ANKS1B: variants seen among roughly 807,000 people sequenced by gnomAD.
ANKS1B encodes ankyrin repeat and sterile alpha motif domain-containing protein 1B.
A neutral mutation model predicts 148.3 loss-of-function variants in ANKS1B; 36 were observed. That is an observed-to-expected ratio of 0.24 (90% CI 0.19 to 0.32). The LOEUF is 0.32. Ranked by LOEUF, ANKS1B falls within the 10% of genes least tolerant of loss-of-function variation. ANKS1B has a pLI of 1.00. For synonymous variants in ANKS1B, 542 were observed against 560.8 expected (o/e 0.97, Z 0.47); for missense variants, 1,157 against 1,542.6 (o/e 0.75, Z 4.19).
chr12:99,548,296 T>C (rs2097188649), intron 9 of ANKS1B, among the ~76,000 whole-genome samples: 1 of 152,182 alleles, frequency 6.6e-6, no homozygotes, highest in African/African-American at 2.4e-5. Context: ...CAGATTCAAA[T>C]TTCTTTGCCT....
chr12:99,627,081 G>A (rs1322076925), intron 9 of ANKS1B, among the ~76,000 whole-genome samples: 1 of 152,094 alleles, frequency 6.6e-6, no homozygotes, highest in Non-Finnish European at 1.5e-5. Flanking sequence ...CAAAATTTCA[G>A]TTTGGCCACA....
At chr12:99,156,933 T>A (rs966621230) in intron 14 of ANKS1B, among the ~76,000 whole-genome samples, 4 of 152,218 alleles carry the variant, frequency 2.6e-5, no homozygotes, top group African/African-American at 9.6e-5. Flanking sequence ...TAAAAAAAGT[T>A]TTAACTCTAT....
At chr12:99,688,718 C>G (rs901822054) in intron 8 of ANKS1B, among the ~76,000 whole-genome samples, 1 of 151,930 alleles carries the variant, frequency 6.6e-6, no homozygotes, top group Non-Finnish European at 1.5e-5. Context: ...GTAGTCCAAA[C>G]TACTTAGAAC....
At chr12:98,766,980 TA>T (rs1427218452) in intron 25 of ANKS1B, among the ~76,000 whole-genome samples, 10 of 118,400 alleles carry the variant, frequency 8.4e-5, no homozygotes, top group Non-Finnish European at 1.4e-4. Context: ...TATTATTTAT[TA>T]ATTTTTTTTT....
At chr12:99,059,091 T>C (rs918482650) in intron 16 of ANKS1B, among the ~76,000 whole-genome samples, 2 of 152,216 alleles carry the variant, frequency 1.3e-5, no homozygotes, top group Admixed American at 6.5e-5. Context: ...GTGTGAATCT[T>C]TCTCTAATGT....
chr12:98,805,250 G>A (rs1224974213), intron 20 of ANKS1B, among the ~76,000 whole-genome samples: 1 of 151,378 alleles, frequency 6.6e-6, no homozygotes, highest in Non-Finnish European at 1.5e-5. Context: ...TTTTGTCATG[G>A]CTTAAAACTT....
intron 10 of ANKS1B, among the ~76,000 whole-genome samples, chr12:99,474,682 G>C (rs551273627): frequency 6.7e-4 from 102 of 151,786 alleles, no homozygotes; most frequent in African/African-American, 2.4e-3. Context: ...AGAAATAAAG[G>C]GAATACTATA....
chr12:99,318,202 C>G (rs1454271691), intron 12 of ANKS1B, among the ~76,000 whole-genome samples: 1 of 152,176 alleles, frequency 6.6e-6, no homozygotes, highest in Non-Finnish European at 1.5e-5. Flanking sequence ...GGAGGATTCC[C>G]TCTTTTTCTA....
At chr12:98,858,955 G>T (rs1285623742) in intron 17 of ANKS1B, among the ~76,000 whole-genome samples, 2 of 152,210 alleles carry the variant, frequency 1.3e-5, no homozygotes, top group African/African-American at 4.8e-5. Flanking sequence ...ACATTAAGAA[G>T]ACTTCCGGAT....
At chr12:99,452,045 G>A (rs1320192342) in intron 10 of ANKS1B, among the ~76,000 whole-genome samples, 1 of 151,990 alleles carries the variant, frequency 6.6e-6, no homozygotes, top group Non-Finnish European at 1.5e-5. Flanking sequence ...TTACGTTTTG[G>A]TATTAAGTCA....
At chr12:99,888,408 C>T (rs993113282) in intron 1 of ANKS1B, among the ~76,000 whole-genome samples, 1 of 152,102 alleles carries the variant, frequency 6.6e-6, no homozygotes, top group Non-Finnish European at 1.5e-5. Flanking sequence ...TATGTATTGC[C>T]CTAGGTAATA....
chr12:99,523,535 C>T lies in ANKS1B; in HGVS notation c.1273-18894G>A, dbSNP rs1353700430. ...CTGGAGTCTTCAAGGCTAGCCTGATCTATACAAGGCATCTTCTTTTTTTTT... is the reference window on the plus strand; with the variant it reads ...CTGGAGTCTTCAAGGCTAGCCTGATTTATACAAGGCATCTTCTTTTTTTTT... On this transcript the variant is annotated intron_variant, in intron 9 of 26. Transcript: ENST00000683438. 3.4e-5 allele frequency among the ~76,000 whole-genome samples: 5 copies of T among 149,122 alleles called. No homozygotes were observed. In the South Asian group the frequency reaches 8.5e-4, roughly 25 times the overall value.
At chr12:99,602,330 T>C (rs2097807661) in intron 9 of ANKS1B, among the ~76,000 whole-genome samples, 2 of 152,100 alleles carry the variant, frequency 1.3e-5, no homozygotes, top group African/African-American at 4.8e-5. Context: ...TGGTTGTGTC[T>C]AATTTGAGGA....
At chr12:99,069,210 C>T (rs559948248) in intron 16 of ANKS1B, among the ~76,000 whole-genome samples, 2 of 152,256 alleles carry the variant, frequency 1.3e-5, no homozygotes, top group South Asian at 4.2e-4. Context: ...CTTTCATCTA[C>T]CTCTGAGCCT....
At chr12:99,033,320 T>C (rs980194123) in intron 17 of ANKS1B, among the ~76,000 whole-genome samples, 2 of 152,176 alleles carry the variant, frequency 1.3e-5, no homozygotes, top group African/African-American at 4.8e-5. Flanking sequence ...CTTTTAAGTG[T>C]GTAAGTAGTT....
chr12:99,731,112 GT>G (rs1167012029), intron 8 of ANKS1B, among the ~76,000 whole-genome samples: 1 of 149,450 alleles, frequency 6.7e-6, no homozygotes, highest in African/African-American at 2.5e-5. Flanking sequence ...GGCTAATTTT[GT>G]TTTATGTTTA....
chr12:99,119,446 A>T (rs2062189226), intron 15 of ANKS1B, among the ~76,000 whole-genome samples: 1 of 152,176 alleles, frequency 6.6e-6, no homozygotes, highest in Non-Finnish European at 1.5e-5. Context: ...CAGCAAGTTC[A>T]TGGTAATTTG....
At chr12:99,150,690 T>C (rs1033704806) in intron 15 of ANKS1B, among the ~76,000 whole-genome samples, 3 of 152,202 alleles carry the variant, frequency 2.0e-5, no homozygotes, top group Admixed American at 2.0e-4. Context: ...CATGCACATT[T>C]TGTATAGTAA....
chr12:99,669,889 G>C (rs141258551), intron 8 of ANKS1B, among the ~76,000 whole-genome samples: 2 of 152,142 alleles, frequency 1.3e-5, no homozygotes, highest in African/African-American at 4.8e-5. Context: ...ACCATATTTA[G>C]GAATTGGATT....
Sources: gnomAD v4.1 joint callset for allele counts (sites outside exome capture counted in the v4.1 genomes callset) on GRCh38, gnomAD v4.1.1 for gene constraint, MANE v1.5 for transcripts, NCBI Gene and HGNC (gene_info 2026-07-23, HGNC 2026-07-21) for gene names.